SPAG9: variants seen among roughly 807,000 people sequenced by gnomAD.
SPAG9 encodes the protein C-Jun-amino-terminal kinase-interacting protein 4.
A neutral mutation model predicts 166.5 loss-of-function variants in SPAG9; 35 were observed. The observed-to-expected ratio is 0.21, with a 90% CI of 0.16 to 0.28. SPAG9 has a LOEUF of 0.28. SPAG9 is among the 10% of genes least tolerant of loss of function. The probability of loss-of-function intolerance (pLI) is 1.00; values close to 1 mark genes in which losing one functional copy is unlikely to be tolerated. For synonymous variants in SPAG9, 534 were observed against 565.5 expected, an observed-to-expected ratio of 0.94 and a Z score of 0.79; for missense variants, 1,235 against 1,603.3, an observed-to-expected ratio of 0.77 and a Z score of 3.92.
At chr17:51,049,411 A>C (rs1268788327) in intron 3 of SPAG9, among the ~76,000 whole-genome samples, 1 of 150,998 alleles carries the variant, frequency 6.6e-6, no homozygotes, top group African/African-American at 2.4e-5. Flanking sequence ...TGCAGTAGCT[A>C]ATGCCTGTAA....
intron 9 of SPAG9, among the ~76,000 whole-genome samples, chr17:51,011,774 C>G (rs994820330): frequency 6.6e-5 from 10 of 152,090 alleles, no homozygotes; most frequent in Non-Finnish European, 5.9e-5. Context: ...CTGAACTATT[C>G]TAGAGATAAA....
chr17:51,077,449 C>T (rs1452440023), intron 2 of SPAG9, among the ~76,000 whole-genome samples: 1 of 151,762 alleles, frequency 6.6e-6, no homozygotes. Context: ...AAAGTACAAT[C>T]AAATTAGGAT....
intron 1 of SPAG9, among the ~76,000 whole-genome samples, chr17:51,117,188 T>A (rs1412728861): frequency 6.6e-6 from 1 of 152,182 alleles, no homozygotes; most frequent in Non-Finnish European, 1.5e-5. Context: ...CCTATCAATA[T>A]AAAGATTAAA....
At chr17:50,993,239 C>G (rs890170173) in intron 19 of SPAG9, among the ~76,000 whole-genome samples, 2 of 150,174 alleles carry the variant, frequency 1.3e-5, no homozygotes, top group Non-Finnish European at 3.0e-5. Flanking sequence ...TCACTTGAAC[C>G]TGGAAGGTGG....
At chr17:51,100,833 C>A (rs1011953382) in intron 1 of SPAG9, among the ~76,000 whole-genome samples, 1 of 151,470 alleles carries the variant, frequency 6.6e-6, no homozygotes, top group Non-Finnish European at 1.5e-5. Flanking sequence ...GCAAGAGAAT[C>A]GCTTGAACCT....
At chr17:51,017,567 T>C (rs1334987955) in intron 8 of SPAG9, among the ~76,000 whole-genome samples, 1 of 151,742 alleles carries the variant, frequency 6.6e-6, no homozygotes, top group Non-Finnish European at 1.5e-5. Flanking sequence ...GGTTCTGGAT[T>C]TGAATCCCAA....
chr17:51,060,793 C>T (rs1479919907), intron 2 of SPAG9, among the ~76,000 whole-genome samples: 4 of 151,624 alleles, frequency 2.6e-5, no homozygotes, highest in East Asian at 3.9e-4. Context: ...TTTGTTATGG[C>T]GGCCCTAGCT....
intron 27 of SPAG9, 133 bp downstream of exon 27, chr17:50,976,975 T>C (rs751326785): frequency 9.9e-6 from 6 of 603,686 alleles, no homozygotes; most frequent in South Asian, 8.4e-5. Flanking sequence ...ATAAGTTTCA[T>C]TGAGTGAAGT....
At chr17:51,035,422 TA>T (rs2046548951) in intron 5 of SPAG9, among the ~76,000 whole-genome samples, 2 of 152,230 alleles carry the variant, frequency 1.3e-5, no homozygotes, top group Admixed American at 1.3e-4. Flanking sequence ...TTTAACTTTT[TA>T]AATTACATAT....
At chr17:51,099,150 T>C (rs1468077505) in intron 1 of SPAG9, among the ~76,000 whole-genome samples, 1 of 140,876 alleles carries the variant, frequency 7.1e-6, no homozygotes, top group Admixed American at 7.1e-5. Flanking sequence ...ACAGTGAAAA[T>C]TGGCCAGGCG....
At chr17:51,031,906 A>T in intron 5 of SPAG9, 184 bp from the exon 6 acceptor site, 1 of 682,732 alleles carries the variant, frequency 1.5e-6, no homozygotes, top group Non-Finnish European at 2.7e-6. Context: ...ACTCTAGTTT[A>T]AGTAATATCA....
chr17:51,036,760 C>T (rs1183096165), intron 5 of SPAG9, among the ~76,000 whole-genome samples: 1 of 152,122 alleles, frequency 6.6e-6, no homozygotes, highest in Non-Finnish European at 1.5e-5. Context: ...TGTAACTTTG[C>T]TTAGGTTATG....
At chr17:51,047,718 A>C (rs1033279223) in intron 3 of SPAG9, among the ~76,000 whole-genome samples, 22 of 151,048 alleles carry the variant, frequency 1.5e-4, no homozygotes, top group Admixed American at 5.3e-4. Flanking sequence ...AAAAAAAAAA[A>C]CCCACTTTTT....
chr17:51,050,968 C>T (rs1256908248), intron 3 of SPAG9, among the ~76,000 whole-genome samples: 10 of 107,888 alleles, frequency 9.3e-5, no homozygotes, highest in African/African-American at 3.3e-4. Flanking sequence ...AAGGAAAGAA[C>T]GAAGGGAGGG....
intron 9 of SPAG9, among the ~76,000 whole-genome samples, chr17:51,011,308 C>T (rs2045474860): frequency 6.7e-6 from 1 of 149,328 alleles, no homozygotes; most frequent in Non-Finnish European, 1.5e-5. Context: ...AAAAAAAAAA[C>T]AGTAATTGAA....
At chr17:51,084,063 A>G (rs1004596265) in intron 1 of SPAG9, 3 of 152,162 alleles carry the variant, frequency 2.0e-5, no homozygotes, top group African/African-American at 4.8e-5. Flanking sequence ...ATAGGAAAAG[A>G]GGCAAACTAA....
At chr17:51,083,408 T>C (rs2048221397) in intron 1 of SPAG9, among the ~76,000 whole-genome samples, 1 of 151,414 alleles carries the variant, frequency 6.6e-6, no homozygotes, top group South Asian at 2.1e-4. Context: ...CTAATTTTTG[T>C]ATATTTTTGG....
chr17:51,002,464 T>TA (rs2044997830), intron 12 of SPAG9, among the ~76,000 whole-genome samples: 1 of 151,986 alleles, frequency 6.6e-6, no homozygotes, highest in Admixed American at 6.6e-5. Flanking sequence ...TAAAAATATA[T>TA]AAAAAATAAA....
chr17:51,086,602 G>A (rs959409723), intron 1 of SPAG9, among the ~76,000 whole-genome samples: 12 of 151,864 alleles, frequency 7.9e-5, no homozygotes, highest in South Asian at 2.1e-4. Context: ...GTAATGAGCC[G>A]ACATCCCACC....
Sources: gnomAD v4.1 joint callset for allele counts (sites outside exome capture counted in the v4.1 genomes callset) on GRCh38, gnomAD v4.1.1 for gene constraint, MANE v1.5 for transcripts, NCBI Gene and HGNC (gene_info 2026-07-23, HGNC 2026-07-21) for gene names.